INPP5D: variants seen among roughly 807,000 people sequenced by gnomAD.
The protein encoded by INPP5D is phosphatidylinositol 3,4,5-trisphosphate 5-phosphatase 1.
A neutral mutation model predicts 122.9 loss-of-function variants in INPP5D; 33 were observed. The ratio of observed to expected loss-of-function variants is 0.27; its 90% CI spans 0.20 to 0.36. INPP5D has a LOEUF of 0.36. Among genes scored for constraint, INPP5D ranks in the 10% least tolerant of loss-of-function variants. The pLI, the probability that INPP5D is intolerant of heterozygous loss-of-function variation, is 1.00. For synonymous variants in INPP5D, 584 were observed against 576.2 expected (o/e 1.01, Z -0.19); for missense variants, 1,053 against 1,412.7 (o/e 0.75, Z 4.08).
rs1478233180 is a variant in INPP5D, at chr2:233,164,926, T to C, written c.1555+502T>C. Among the ~76,000 whole-genome samples, 1 of 152,204 alleles carries C rather than the reference T, an allele frequency of 6.6e-6. No homozygotes were observed. The highest frequency in any genetic ancestry group is 2.4e-5 in the African/African-American group (1 of 41,440). ...GACTGTGTTACCAGTGAGACCTTCCTTACAAGCACAGGCGGGAGGTGGCTG... is the reference window on the plus strand; with the variant it reads ...GACTGTGTTACCAGTGAGACCTTCCCTACAAGCACAGGCGGGAGGTGGCTG... On this transcript the variant is annotated intron_variant, in intron 13 of 26. Coordinates refer to ENST00000445964, the MANE Select transcript of INPP5D (RefSeq NM_001017915.3). The surrounding 1 kb of genome is among the most constrained non-coding windows in gnomAD (Gnocchi z 4.3).
At chr2:233,148,078 T>G (rs1033744995) in intron 9 of INPP5D, among the ~76,000 whole-genome samples, 12 of 152,224 alleles carry the variant, frequency 7.9e-5, no homozygotes, top group Non-Finnish European at 1.8e-4. Flanking sequence ...GAGTCAGCTG[T>G]TATTAGTAGA....
chr2:233,203,901 C>T (rs183215418), intron 25 of INPP5D, among the ~76,000 whole-genome samples: 16 of 152,072 alleles, frequency 1.1e-4, no homozygotes, highest in Non-Finnish European at 1.9e-4. Flanking sequence ...GAGCCATGAC[C>T]GCACCACTGC....
At chr2:233,068,837 C>G (rs1691301540) in intron 1 of INPP5D, among the ~76,000 whole-genome samples, 1 of 152,090 alleles carries the variant, frequency 6.6e-6, no homozygotes. Context: ...TGAGTGATGC[C>G]CCTGTGACGG....
intron 26 of INPP5D, chr2:233,205,075 A>C: frequency 4.4e-6 from 1 of 226,658 alleles, no homozygotes; most frequent in Non-Finnish European, 8.5e-6. Context: ...TTTATATCTC[A>C]TTGTTATTAT....
Position 233,177,323 on chromosome 2 carries a change from T to C in INPP5D, c.2048T>C (p.Val683Ala), listed in dbSNP as rs771022107. ...GTCCTCTGGAAGTCTTATCCCCTGG[T>C]GCACGTGGTGTGTCAGTCTTATGGT... is the stretch of plus-strand genomic sequence containing the variant. ...DRVLWKSYPLVHVVCQSYGST... is the reference protein window; with the variant it reads ...DRVLWKSYPLAHVVCQSYGST... The change falls in exon 18 of 27, where the codon GTG becomes GCG. Residue 683 changes from valine (V) to alanine (A), a missense_variant. This residue lies in a region of INPP5D where 258 missense variants were observed against 439.1 expected (regional missense o/e 0.59). Coordinates refer to ENST00000445964, the MANE Select transcript of INPP5D (RefSeq NM_001017915.3). This position sits in a 1 kb window ranked among gnomAD's most constrained non-coding sequence, Gnocchi z 4.2. 2 of 1,613,922 alleles carry C rather than the reference T, an allele frequency of 1.2e-6. No individual in the cohort carries two copies. Among genetic ancestry groups the C allele is most frequent in the South Asian group, 1.1e-5 (1 of 91,084 alleles).
In INPP5D at chr2:233,164,648, C is replaced by T. The variant is rs1245383565; in HGVS notation, c.1555+224C>T. The stretch of plus-strand genomic sequence containing the variant: ...AGGGATCTAGCTAAAATGCAGGTTC[C>T]GACCCAGTAGATCTTGGGTGGAGCT... On this transcript the variant is annotated intron_variant, in intron 13 of 26. Coordinates refer to ENST00000445964, the MANE Select transcript of INPP5D (RefSeq NM_001017915.3). This position sits in a 1 kb window ranked among gnomAD's most constrained non-coding sequence, Gnocchi z 4.3. Among the ~76,000 whole-genome samples, 3 of 152,162 alleles carry T rather than the reference C, an allele frequency of 2.0e-5. No homozygotes were observed. Among genetic ancestry groups the T allele is most frequent in the Non-Finnish European group, 4.4e-5 (3 of 68,030 alleles).
chr2:233,083,373 G>A (rs1011442743), intron 2 of INPP5D, among the ~76,000 whole-genome samples: 1 of 152,142 alleles, frequency 6.6e-6, no homozygotes, highest in African/African-American at 2.4e-5. Context: ...ACCTGAGTAC[G>A]CTCTGGAACT....
At position 233,204,563 on chromosome 2, in the gene INPP5D, C is replaced by T. The variant is rs779871937; in HGVS notation, c.3413C>T (p.Thr1138Met). 7 of 1,565,258 alleles carry T rather than the reference C, an allele frequency of 4.5e-6. No homozygotes were observed. The highest frequency in any genetic ancestry group is 6.1e-6 in the Non-Finnish European group (7 of 1,156,490). ...AACCAGCAGACCCCGCCCACCCCGA[C>T]GCCGCGGCCGCCGCTGCCAGTCAAG... ...EINQQTPPTP[T>M]PRPPLPVKSP... is the part of the protein sequence containing the mutation. Residue 1138 changes from threonine to methionine, a missense_variant, in exon 26 of 27, where the codon ACG becomes ATG. Thr to Met is a moderately conservative substitution (Grantham distance 81, BLOSUM62 -1). Transcript: ENST00000445964.
intron 4 of INPP5D, 126 bp from the exon 5 acceptor site, chr2:233,130,382 C>T (rs1225111682): frequency 1.2e-5 from 12 of 1,037,078 alleles, no homozygotes; most frequent in South Asian, 1.7e-5. Context: ...AAACATTCTT[C>T]TGAAGGACGG....
At chr2:233,138,925 T>G (rs898358099) in intron 5 of INPP5D, among the ~76,000 whole-genome samples, 3 of 151,420 alleles carry the variant, frequency 2.0e-5, no homozygotes, top group African/African-American at 7.3e-5. Context: ...TTTTTTTTTT[T>G]TGTATTTTTA....
chr2:233,150,701 G>C (rs920773098), intron 9 of INPP5D, among the ~76,000 whole-genome samples: 1 of 152,190 alleles, frequency 6.6e-6, no homozygotes, highest in Non-Finnish European at 1.5e-5. Flanking sequence ...GCCCTTCATC[G>C]TGAACGCTTC....
At chr2:233,175,744 G>T (rs564492148) in intron 17 of INPP5D, among the ~76,000 whole-genome samples, 2 of 151,268 alleles carry the variant, frequency 1.3e-5, no homozygotes, top group Admixed American at 1.3e-4. Flanking sequence ...GTGCAGTGGC[G>T]CAATCTCAGC....
chr2:233,158,906 G>C (rs2106290885), intron 10 of INPP5D, among the ~76,000 whole-genome samples: 1 of 152,210 alleles, frequency 6.6e-6, no homozygotes, highest in East Asian at 1.9e-4. Context: ...CCTCAGCTGA[G>C]GTGAGACAAG....
intron 9 of INPP5D, among the ~76,000 whole-genome samples, chr2:233,155,659 T>TAAATAAATA (rs368097166): frequency 2.2e-3 from 9 of 4,062 alleles, no homozygotes; most frequent in East Asian, 7.7e-3. Context: ...AATAAATAAA[T>TAAATAAATA]AATAAATAAA....
At chr2:233,136,642 A>G (rs1469112446) in intron 5 of INPP5D, among the ~76,000 whole-genome samples, 3 of 152,172 alleles carry the variant, frequency 2.0e-5, no homozygotes, top group African/African-American at 7.2e-5. Context: ...CAAAGATCCA[A>G]TGTGTACCAA....
At chr2:233,165,255 CTA>C (rs1275426692) in intron 13 of INPP5D, among the ~76,000 whole-genome samples, 4 of 150,862 alleles carry the variant, frequency 2.7e-5, no homozygotes, top group East Asian at 2.0e-4. Flanking sequence ...GAGTGTGTGT[CTA>C]TATGTGTGTG....
intron 8 of INPP5D, 131 bp downstream of exon 8, chr2:233,146,569 T>A (rs946195227): frequency 1.5e-6 from 1 of 671,568 alleles, no homozygotes; most frequent in Non-Finnish European, 2.7e-6. Context: ...TAGCCAAGAA[T>A]GGCAGTCAGT....
chr2:233,087,501 G>T (rs1020659788), intron 2 of INPP5D, among the ~76,000 whole-genome samples: 6 of 151,646 alleles, frequency 4.0e-5, no homozygotes, highest in Non-Finnish European at 8.8e-5. Flanking sequence ...TAATTTTTGT[G>T]TTTTTAGTAG....
At position 233,177,417 on chromosome 2, in the gene INPP5D, T is replaced by C; in HGVS notation, c.2071+71T>C. 4 of 1,610,346 alleles carry C rather than the reference T, an allele frequency of 2.5e-6. No individual in the cohort carries two copies. The highest frequency in any genetic ancestry group is 2.5e-6 in the Non-Finnish European group (3 of 1,177,546). ...ACCAAGCTGGGAGGTGTGACTGCCC[T>C]AAAATCTAAGGGCTTCAGTCTGTTG... On this transcript the variant is annotated intron_variant, in intron 18 of 26. Transcript: ENST00000445964. This position sits in a 1 kb window ranked among gnomAD's most constrained non-coding sequence, Gnocchi z 4.2.
Sources: allele counts gnomAD v4.1 joint callset (sites outside exome capture counted in the v4.1 genomes callset), GRCh38; gene constraint gnomAD v4.1.1; regional missense constraint gnomAD v4.1.1; non-coding constraint Gnocchi (gnomAD v3.1); transcripts MANE v1.5; gene names NCBI Gene and HGNC (gene_info 2026-07-23, HGNC 2026-07-21).